AK4: variants seen among roughly 807,000 people sequenced by gnomAD.
AK4 encodes adenylate kinase 4, also known as adenylate kinase 4, mitochondrial.
AK4 carries 13 observed loss-of-function variants against 24.6 expected under a neutral mutation model. The observed-to-expected ratio is 0.53, with a 90% CI of 0.34 to 0.84. AK4 has a LOEUF of 0.84. AK4 is among the 40% of genes least tolerant of loss of function. The pLI is 0.01. For synonymous variants in AK4, 88 were observed against 107.0 expected (o/e 0.82, Z 1.10); for missense variants, 192 against 288.2 (o/e 0.67, Z 2.42).
At chr1:65,200,898 G>C (rs150874117) in intron 2 of AK4, among the ~76,000 whole-genome samples, 4 of 152,014 alleles carry the variant, frequency 2.6e-5, no homozygotes, top group Admixed American at 2.6e-4. Context: ...GGGTTCAAGC[G>C]ATTCTCCTGC....
At chr1:65,195,438 T>C (rs1186622906) in intron 2 of AK4, among the ~76,000 whole-genome samples, 1 of 152,248 alleles carries the variant, frequency 6.6e-6, no homozygotes, top group Non-Finnish European at 1.5e-5. Context: ...TTCTCTAGTT[T>C]ACATTTTTAA....
intron 2 of AK4, among the ~76,000 whole-genome samples, chr1:65,191,433 G>A (rs1043354053): frequency 1.3e-5 from 2 of 152,022 alleles, no homozygotes; most frequent in East Asian, 1.9e-4. Context: ...GTATTCTGAG[G>A]ACACAAAGAA....
intron 1 of AK4, among the ~76,000 whole-genome samples, chr1:65,151,770 G>C (rs544089668): frequency 4.6e-5 from 7 of 152,278 alleles, no homozygotes; most frequent in African/African-American, 1.7e-4. Context: ...AAAAGTTTGT[G>C]CTTAATATGG....
intron 2 of AK4, among the ~76,000 whole-genome samples, chr1:65,212,128 C>T (rs572472303): frequency 1.3e-5 from 2 of 152,230 alleles, no homozygotes; most frequent in South Asian, 2.1e-4. Flanking sequence ...AGGACAGGGG[C>T]CCAGATGGGT....
intron 1 of AK4, among the ~76,000 whole-genome samples, chr1:65,168,776 C>G (rs1650415903): frequency 6.6e-6 from 1 of 152,140 alleles, no homozygotes; most frequent in Non-Finnish European, 1.5e-5. Context: ...GTAGTCCTGT[C>G]CTTTGAGTTG....
intron 3 of AK4, among the ~76,000 whole-genome samples, chr1:65,220,866 TGTGTGTGA>T (rs1418496065): frequency 6.6e-6 from 1 of 152,114 alleles, no homozygotes; most frequent in African/African-American, 2.4e-5. Flanking sequence ...TATCTGTTTG[TGTGTGTGA>T]GTGTGTGATC....
chr1:65,174,376 G>A (rs533813558), intron 1 of AK4, among the ~76,000 whole-genome samples: 21 of 152,036 alleles, frequency 1.4e-4, no homozygotes, highest in Non-Finnish European at 2.8e-4. Context: ...CAGAGACTGA[G>A]TTTTCTTAAT....
chr1:65,166,756 A>G (rs1650343358), intron 1 of AK4, among the ~76,000 whole-genome samples: 1 of 152,204 alleles, frequency 6.6e-6, no homozygotes, highest in Admixed American at 6.5e-5. Context: ...CCTGGACTCA[A>G]GCAGTTCTCC....
At chr1:65,189,682 A>C (rs1570107770) in intron 1 of AK4, among the ~76,000 whole-genome samples, 2 of 140,872 alleles carry the variant, frequency 1.4e-5, no homozygotes, top group African/African-American at 2.7e-5. Context: ...CACACACCCC[A>C]CACATTTAGT....
intron 3 of AK4, 60 bp downstream of exon 3, chr1:65,218,986 A>C: frequency 1.5e-6 from 2 of 1,342,122 alleles, no homozygotes; most frequent in Non-Finnish European, 2.0e-6. Flanking sequence ...ATTTCCATTG[A>C]AAAGTGGAGA....
Position 65,224,748 on chromosome 1 carries a change from G to A in AK4, c.439-4G>A. On this transcript the variant is annotated splice_polypyrimidine_tract_variant and splice_region_variant and intron_variant, in intron 3 of 4. Coordinates refer to ENST00000327299, the MANE Select transcript of AK4 (RefSeq NM_013410.4). ...ATATTAATTGGTTTATTTGGTATTTGTAGGGTATTGATGACGTCACTGGTG... is the reference window on the plus strand; with the variant it reads ...ATATTAATTGGTTTATTTGGTATTTATAGGGTATTGATGACGTCACTGGTG... The A allele has an allele frequency of 1.9e-6, 3 of 1,609,730 alleles. No homozygotes were observed. The highest frequency in any genetic ancestry group is 1.1e-5 in the South Asian group (1 of 90,882).
At chr1:65,218,581 G>A (rs986985142) in intron 2 of AK4, among the ~76,000 whole-genome samples, 173 bp from the exon 3 acceptor site, 2 of 152,146 alleles carry the variant, frequency 1.3e-5, no homozygotes, top group African/African-American at 4.8e-5. Flanking sequence ...TTGTGACATG[G>A]ATTTATTATG....
chr1:65,190,351 C>T (rs1434266853), intron 1 of AK4, among the ~76,000 whole-genome samples: 2 of 149,796 alleles, frequency 1.3e-5, no homozygotes. Context: ...CAAGTGCAAA[C>T]TCCTGGGCTT....
chr1:65,230,474 GT>G lies in AK4; in HGVS notation c.*4298del, dbSNP rs1424820937. ...TAATAAATACCACATATTTCCAAGT[GT>G]GTTCAGGTATAGGCACTAGGTACTG... On this transcript the variant is annotated 3_prime_UTR_variant, in exon 5 of 5. Transcript: ENST00000327299. 17 of 152,180 alleles carry G rather than the reference GT, an allele frequency of 1.1e-4. No individual in the cohort carries two copies. Among genetic ancestry groups the G allele is most frequent in the Admixed American group, 1.1e-3 (17 of 15,284 alleles). 9.4% of individuals were successfully genotyped at this position (152,180 alleles called of 1,614,324 possible). A position where few individuals can be genotyped will look rare whatever the true frequency, so the allele number is the denominator to read the frequency against.
At chr1:65,187,828 G>C (rs1275174272) in intron 1 of AK4, among the ~76,000 whole-genome samples, 1 of 152,172 alleles carries the variant, frequency 6.6e-6, no homozygotes, top group Non-Finnish European at 1.5e-5. Context: ...ACCTGTTATG[G>C]AGTATGTAGC....
intron 1 of AK4, among the ~76,000 whole-genome samples, chr1:65,183,312 GT>G (rs1172253378): frequency 6.6e-6 from 1 of 152,054 alleles, no homozygotes; most frequent in Non-Finnish European, 1.5e-5. Flanking sequence ...GTGAAGTGGC[GT>G]TATCTTGGCT....
Position 65,229,004 on chromosome 1 carries a change from C to A in AK4, c.*2827C>A, listed in dbSNP as rs963250331. ...GGTTTTAGGACCTTCATAAACATCTCATTTAATCTTTCTAGCATCCTGTGA... is the reference window on the plus strand; with the variant it reads ...GGTTTTAGGACCTTCATAAACATCTAATTTAATCTTTCTAGCATCCTGTGA... On this transcript the variant is annotated 3_prime_UTR_variant, in exon 5 of 5. Coordinates refer to ENST00000327299, the MANE Select transcript of AK4 (RefSeq NM_013410.4). The A allele has an allele frequency of 5.3e-5, 8 of 152,136 alleles. No homozygotes were observed. Among genetic ancestry groups the A allele is most frequent in the African/African-American group, 1.9e-4 (8 of 41,412 alleles). The allele number at this position is 152,136 out of a possible 1,614,324, so 9.4% of individuals were successfully genotyped here. A position where few individuals can be genotyped will look rare whatever the true frequency, so the allele number is the denominator to read the frequency against.
chr1:65,213,189 A>C (rs1476858078), intron 2 of AK4, among the ~76,000 whole-genome samples: 1 of 152,242 alleles, frequency 6.6e-6, no homozygotes, highest in African/African-American at 2.4e-5. Context: ...TTGTATTATC[A>C]ACAGCTTAAG....
At chr1:65,152,811 G>T (rs1264964702) in intron 1 of AK4, among the ~76,000 whole-genome samples, 1 of 152,156 alleles carries the variant, frequency 6.6e-6, no homozygotes, top group Admixed American at 6.5e-5. Context: ...AGTTCAGAGG[G>T]CTCAGGGTTC....
Sources: allele counts gnomAD v4.1 joint callset (sites outside exome capture counted in the v4.1 genomes callset), GRCh38; gene constraint gnomAD v4.1.1; transcripts MANE v1.5; gene names NCBI Gene and HGNC (gene_info 2026-07-23, HGNC 2026-07-21).